GALNTL6: variants seen among roughly 807,000 people sequenced by gnomAD.
The protein encoded by GALNTL6 is polypeptide N-acetylgalactosaminyltransferase-like 6.
Under a neutral mutation model 73.7 loss-of-function variants are expected in GALNTL6, and 46 were observed. The ratio of observed to expected loss-of-function variants is 0.62; its 90% CI spans 0.49 to 0.80. GALNTL6 has a LOEUF of 0.80. Ranked by LOEUF, GALNTL6 falls within the 30% of genes least tolerant of loss-of-function variation. GALNTL6 has a pLI of 0.00. For missense variants in GALNTL6, 604 were observed against 755.0 expected (o/e 0.80, Z 2.34); for synonymous variants, 259 against 263.7 (o/e 0.98, Z 0.17).
At chr4:172,760,083 G>A (rs553791062) in intron 5 of GALNTL6, among the ~76,000 whole-genome samples, 37 of 151,256 alleles carry the variant, frequency 2.4e-4, no homozygotes, top group Admixed American at 5.3e-4. Context: ...TGATCCACCC[G>A]CCTCGGCCTC....
intron 3 of GALNTL6, among the ~76,000 whole-genome samples, chr4:172,241,540 T>G (rs1737434954): frequency 6.6e-6 from 1 of 152,236 alleles, no homozygotes; most frequent in African/African-American, 2.4e-5. Context: ...GTTTTTATTA[T>G]TTCATAATCT....
intron 2 of GALNTL6, among the ~76,000 whole-genome samples, chr4:171,825,431 C>G (rs1447304833): frequency 6.6e-6 from 1 of 152,126 alleles, no homozygotes; most frequent in African/African-American, 2.4e-5. Context: ...TACCATTTTT[C>G]AGATAGCCTA....
At chr4:172,797,276 A>G (rs1305166501) in intron 5 of GALNTL6, among the ~76,000 whole-genome samples, 2 of 152,056 alleles carry the variant, frequency 1.3e-5, no homozygotes, top group African/African-American at 4.8e-5. Context: ...ATTTGGAGAC[A>G]GAGTCTTGCT....
chr4:172,156,561 ATATATACATAC>A (rs1378179973), intron 2 of GALNTL6, among the ~76,000 whole-genome samples: 7 of 91,642 alleles, frequency 7.6e-5, no homozygotes, highest in African/African-American at 3.2e-4. Context: ...ATATATATAT[ATATATACATAC>A]TATATATATA....
chr4:172,572,593 A>G (rs1736802771), intron 5 of GALNTL6, among the ~76,000 whole-genome samples: 1 of 152,156 alleles, frequency 6.6e-6, no homozygotes, highest in South Asian at 2.1e-4. Flanking sequence ...TGACTCTAAA[A>G]GTCTTCTCAG....
At chr4:172,061,945 CTT>C (rs11284710) in intron 2 of GALNTL6, among the ~76,000 whole-genome samples, 154 of 114,690 alleles carry the variant, frequency 1.3e-3, no homozygotes, top group South Asian at 5.7e-3. Flanking sequence ...TTTTTATCCA[CTT>C]TTTTTTTTTT....
intron 2 of GALNTL6, among the ~76,000 whole-genome samples, chr4:172,010,365 C>A (rs1156919071): frequency 6.6e-6 from 1 of 152,078 alleles, no homozygotes; most frequent in Non-Finnish European, 1.5e-5. Context: ...GACAAGCTAC[C>A]TTAAACTGGT....
At chr4:173,033,358 TCTC>T (rs1753549909) in intron 12 of GALNTL6, among the ~76,000 whole-genome samples, 1 of 145,720 alleles carries the variant, frequency 6.9e-6, no homozygotes, top group Admixed American at 7.0e-5. Context: ...AGACCAATTT[TCTC>T]CTCCAGTGAG....
At chr4:172,185,330 A>G (rs1447728880) in intron 2 of GALNTL6, among the ~76,000 whole-genome samples, 3 of 152,188 alleles carry the variant, frequency 2.0e-5, no homozygotes, top group Admixed American at 6.5e-5. Flanking sequence ...CAAAAAGGAT[A>G]TTATTTCCTT....
chr4:172,574,815 A>G (rs1283454755), intron 5 of GALNTL6, among the ~76,000 whole-genome samples: 1 of 152,162 alleles, frequency 6.6e-6, no homozygotes. Flanking sequence ...TCTAAAATAT[A>G]TAAACTATGA....
intron 3 of GALNTL6, among the ~76,000 whole-genome samples, chr4:172,265,081 T>A (rs1182166073): frequency 1.3e-5 from 2 of 151,948 alleles, no homozygotes; most frequent in East Asian, 3.9e-4. Flanking sequence ...TTTCAAAAAA[T>A]AAATAAATAA....
At chr4:172,322,395 A>G (rs1461408540) in intron 4 of GALNTL6, among the ~76,000 whole-genome samples, 2 of 152,156 alleles carry the variant, frequency 1.3e-5, no homozygotes, top group Non-Finnish European at 2.9e-5. Context: ...ACCCATACAA[A>G]TTCACCACCT....
chr4:172,564,583 C>T lies in GALNTL6; in HGVS notation c.553+215894C>T, dbSNP rs373599256. 9.2e-5 allele frequency among the ~76,000 whole-genome samples: 14 copies of T among 152,280 alleles called. No homozygotes were observed. In the East Asian group the frequency reaches 1.3e-3, roughly 15 times the overall value. Reference sequence around the variant, plus strand: ...GTGGAATGTATACTGTAATTACCACCTTTGCCCTTGCTACAGGTAAATCCT... The same window carrying T: ...GTGGAATGTATACTGTAATTACCACTTTTGCCCTTGCTACAGGTAAATCCT... On this transcript the variant is annotated intron_variant, in intron 5 of 12. Coordinates refer to ENST00000506823, the MANE Select transcript of GALNTL6 (RefSeq NM_001034845.3).
intron 3 of GALNTL6, among the ~76,000 whole-genome samples, chr4:172,272,448 G>A (rs1261711932): frequency 1.3e-5 from 2 of 152,264 alleles, no homozygotes; most frequent in Admixed American, 6.5e-5. Context: ...TTGCTCCTAG[G>A]TTACAAACCT....
chr4:172,569,248 T>G (rs973409188), intron 5 of GALNTL6, among the ~76,000 whole-genome samples: 1 of 152,130 alleles, frequency 6.6e-6, no homozygotes, highest in African/African-American at 2.4e-5. Context: ...TCCTGGTTCA[T>G]AGACAGCTGT....
intron 2 of GALNTL6, among the ~76,000 whole-genome samples, chr4:171,929,917 A>C (rs1241086108): frequency 6.6e-6 from 1 of 152,196 alleles, no homozygotes; most frequent in Non-Finnish European, 1.5e-5. Flanking sequence ...CTGGCCCAAC[A>C]GCCGGGCCAA....
chr4:172,259,421 C>A (rs773544588), intron 3 of GALNTL6, among the ~76,000 whole-genome samples: 2 of 148,144 alleles, frequency 1.4e-5, no homozygotes, highest in African/African-American at 2.5e-5. Context: ...ATTTTCTATT[C>A]ATGTCTTTTA....
intron 10 of GALNTL6, among the ~76,000 whole-genome samples, chr4:172,975,103 T>A (rs1387118753): frequency 6.6e-6 from 1 of 152,214 alleles, no homozygotes. Flanking sequence ...TACAGCTCTT[T>A]TAGTCCCATC....
intron 5 of GALNTL6, among the ~76,000 whole-genome samples, chr4:172,629,314 A>G (rs867179517): frequency 6.6e-6 from 1 of 152,188 alleles, no homozygotes; most frequent in Non-Finnish European, 1.5e-5. Flanking sequence ...TAATAAATTT[A>G]TTATTTATGG....
Sources: allele counts gnomAD v4.1 joint callset (sites outside exome capture counted in the v4.1 genomes callset), GRCh38; gene constraint gnomAD v4.1.1; transcripts MANE v1.5; gene names NCBI Gene and HGNC (gene_info 2026-07-23, HGNC 2026-07-21).